The following XKRX variants were observed in gnomAD, a reference collection of about 807,000 sequenced individuals.
XKRX encodes the protein XK related X-linked.
A neutral mutation model predicts 22.4 loss-of-function variants in XKRX; 11 were observed. The observed-to-expected ratio is 0.49, with a 90% CI of 0.31 to 0.81. The LOEUF (loss-of-function observed/expected upper bound fraction) is 0.81. Among genes scored for constraint, XKRX ranks in the 40% least tolerant of loss-of-function variants. The pLI is 0.05. For synonymous variants in XKRX, 114 were observed against 132.2 expected (o/e 0.86, Z 0.94); for missense variants, 320 against 336.5 (o/e 0.95, Z 0.38).
At chrX:100,931,314 T>C (rs1044630662), upstream of XKRX, among the ~76,000 whole-genome samples, 1 of 110,422 alleles carries the variant, frequency 9.1e-6, no homozygotes, top group African/African-American at 3.3e-5. Flanking sequence ...ACTCCTTCTG[T>C]CTGTCATTCA....
chrX:100,957,000 T>C, the XKRX span: 5 of 1,085,310 alleles, frequency 4.6e-6, no homozygotes, highest in Non-Finnish European at 6.4e-6. Context: ...GGTCTTTATG[T>C]TTTTCTGTGA....
chrX:100,891,376 T>C, the XKRX span, among the ~76,000 whole-genome samples: 9 of 110,617 alleles, frequency 8.1e-5, no homozygotes, highest in Non-Finnish European at 1.5e-4. Context: ...AGGCACAGAA[T>C]AGCCAAAGCC....
upstream of XKRX, among the ~76,000 whole-genome samples, chrX:100,929,805 CT>C (rs1187679425): frequency 3.6e-5 from 4 of 111,777 alleles, no homozygotes; most frequent in Admixed American, 3.8e-4. Context: ...GTGCCAAATT[CT>C]AAACAGACTG....
chrX:100,897,605 G>A, the XKRX span, among the ~76,000 whole-genome samples: 19,913 of 84,358 alleles, frequency 0.24, 2,354 homozygotes, highest in East Asian at 0.31. Flanking sequence ...GTGTGTGTGT[G>A]TGTGTGTGTG....
chrX:100,935,786 A>C, the XKRX span, among the ~76,000 whole-genome samples: 6 of 112,197 alleles, frequency 5.3e-5, no homozygotes, highest in African/African-American at 1.9e-4. Flanking sequence ...TCCCTCAATC[A>C]ATCTCTTGCA....
At chrX:100,888,409 T>G in the XKRX span, 31 of 924,297 alleles carry the variant, frequency 3.4e-5, no homozygotes, top group Non-Finnish European at 4.8e-5. Context: ...CAGTGGCGTA[T>G]GTAACAAACC....
At chrX:100,921,479 C>T (rs1168106474) in intron 2 of XKRX, among the ~76,000 whole-genome samples, 1 of 111,474 alleles carries the variant, frequency 9.0e-6, no homozygotes, top group Admixed American at 9.6e-5. Flanking sequence ...GGAAAAAAGA[C>T]AAAAGAGGGC....
At chrX:100,955,505 TC>T in the XKRX span, among the ~76,000 whole-genome samples, 2 of 109,643 alleles carry the variant, frequency 1.8e-5, no homozygotes, top group Non-Finnish European at 3.8e-5. Context: ...AAACCCTATC[TC>T]TACTAAAAAT....
At chrX:100,904,431 A>G in the XKRX span, among the ~76,000 whole-genome samples, 1 of 112,771 alleles carries the variant, frequency 8.9e-6, no homozygotes, top group Admixed American at 9.4e-5. Flanking sequence ...TCTAGATGAC[A>G]TTGGATATGA....
At chrX:100,944,213 T>G in the XKRX span, among the ~76,000 whole-genome samples, 1 of 112,011 alleles carries the variant, frequency 8.9e-6, no homozygotes, top group South Asian at 3.7e-4. Context: ...TTTCATAGAT[T>G]TATCATCTGA....
rs772330653 is a variant in XKRX, at chrX:100,928,273, G to A, written c.32C>T (p.Pro11Leu). The A allele has an allele frequency of 8.3e-7, 1 of 1,210,978 alleles. No homozygotes were observed. The highest frequency in any genetic ancestry group is 1.1e-6 in the Non-Finnish European group (1 of 895,319). Residue 11 changes from proline to leucine, a missense_variant, in exon 1 of 3, where the codon CCA (proline) becomes CTA (leucine). Pro to Leu is a moderately conservative substitution (Grantham distance 98). Transcript: ENST00000372956. ...CAGAGATGAAACCGGATCCACATTTGGCTCCTCAGGAATTTCATAAACTCT... is the reference window on the plus strand; with the variant it reads ...CAGAGATGAAACCGGATCCACATTTAGCTCCTCAGGAATTTCATAAACTCT... MDRVYEIPEE[P>L]NVDPVSSLEE...
At chrX:100,912,029 A>G (rs1175806117), downstream of XKRX, among the ~76,000 whole-genome samples, 3 of 111,482 alleles carry the variant, frequency 2.7e-5, no homozygotes, top group Non-Finnish European at 5.6e-5. Context: ...ACTTCCTTAG[A>G]TCAGTATGTG....
At chrX:100,943,428 A>G in the XKRX span, among the ~76,000 whole-genome samples, 1 of 110,212 alleles carries the variant, frequency 9.1e-6, no homozygotes, top group South Asian at 3.8e-4. Flanking sequence ...TTTGAGATGG[A>G]GTTTTGCTCT....
In XKRX at chrX:100,922,880, G is replaced by A. The variant is rs773630956; in HGVS notation, c.517C>T (p.Gln173Ter). The A allele has an allele frequency of 8.3e-7, 1 of 1,211,349 alleles. No individual in the cohort carries two copies. Among genetic ancestry groups the A allele is most frequent in the East Asian group, 3.0e-5 (1 of 33,822 alleles). The change falls in exon 2 of 3, where the codon CAG becomes TAG. Residue 173 changes from glutamine to a stop codon, truncating the protein, a stop_gained. Transcript: ENST00000372956. LOFTEE classifies it high-confidence loss of function. ...ACTGAGCCCAGGAAGGCTTGGATCT[G>A]TGACATACGTTTGTAGGCATTGCGG... ...MHRNAYKRMSQIQAFLGSVPQ... is the reference protein window; with the variant it reads ...MHRNAYKRMS
intron 1 of XKRX, among the ~76,000 whole-genome samples, chrX:100,927,435 G>A (rs771265839): frequency 3.6e-5 from 4 of 111,370 alleles, no homozygotes; most frequent in African/African-American, 1.3e-4. Context: ...GCCTCCCAAA[G>A]TGCTGGGATT....
the XKRX span, among the ~76,000 whole-genome samples, chrX:100,908,264 G>A: frequency 1.3e-4 from 14 of 109,858 alleles, no homozygotes; most frequent in Admixed American, 7.8e-4. Context: ...GTACAGGTGC[G>A]TGCCACCACG....
the XKRX span, among the ~76,000 whole-genome samples, chrX:100,941,377 C>T: frequency 2.7e-5 from 3 of 111,193 alleles, no homozygotes; most frequent in East Asian, 2.8e-4. Context: ...AGTGAAACCC[C>T]GTCTCTATTA....
chrX:100,901,141 G>C, the XKRX span, among the ~76,000 whole-genome samples: 3 of 111,126 alleles, frequency 2.7e-5, no homozygotes, highest in Admixed American at 2.9e-4. Context: ...GTACACCAAA[G>C]TTGGTGCCAT....
At chrX:100,956,970 C>T in the XKRX span, 10 of 1,060,885 alleles carry the variant, frequency 9.4e-6, no homozygotes, top group African/African-American at 1.8e-5. Flanking sequence ...TGTGGGTGCC[C>T]GAGCTTGGGA....
Sources: gnomAD v4.1 joint callset for allele counts (sites outside exome capture counted in the v4.1 genomes callset) on GRCh38, gnomAD v4.1.1 for gene constraint, MANE v1.5 for transcripts, NCBI Gene and HGNC (gene_info 2026-07-23, HGNC 2026-07-21) for gene names.